The following PDE4D variants were observed in gnomAD, a reference collection of about 807,000 sequenced individuals.
PDE4D encodes the protein 3',5'-cyclic-AMP phosphodiesterase 4D.
A neutral mutation model predicts 87.4 loss-of-function variants in PDE4D; 24 were observed. That is an observed-to-expected ratio of 0.27 (90% CI 0.20 to 0.39). PDE4D has a LOEUF of 0.39. Ranked by LOEUF, PDE4D falls within the 10% of genes least tolerant of loss-of-function variation. The pLI is 1.00. For missense variants in PDE4D, 714 were observed against 1,041.0 expected (o/e 0.69, Z 4.32); for synonymous variants, 384 against 383.2 (o/e 1.00, Z -0.02).
intron 2 of PDE4D, among the ~76,000 whole-genome samples, chr5:60,042,899 T>A (rs774585933): frequency 1.6e-4 from 24 of 152,008 alleles, no homozygotes; most frequent in Admixed American, 1.1e-3. Flanking sequence ...CTCCAAAGGA[T>A]CACAACTCCT....
At chr5:59,009,998 T>C (rs1324518678) in intron 6 of PDE4D, among the ~76,000 whole-genome samples, 2 of 152,182 alleles carry the variant, frequency 1.3e-5, no homozygotes, top group Non-Finnish European at 2.9e-5. Context: ...TTAGCTTTAA[T>C]GATACAACAT....
At chr5:60,344,576 C>T (rs894098672) in intron 1 of PDE4D, among the ~76,000 whole-genome samples, 1 of 152,084 alleles carries the variant, frequency 6.6e-6, no homozygotes, top group African/African-American at 2.4e-5. Flanking sequence ...GCATTTTATC[C>T]TATAACCTAT....
intron 6 of PDE4D, among the ~76,000 whole-genome samples, chr5:58,996,427 T>G (rs998323868): frequency 6.6e-6 from 1 of 152,216 alleles, no homozygotes; most frequent in Non-Finnish European, 1.5e-5. Context: ...ATTGTTCATG[T>G]TATGAGCTAA....
At chr5:59,491,987 C>T (rs1806292198) in intron 1 of PDE4D, among the ~76,000 whole-genome samples, 2 of 152,152 alleles carry the variant, frequency 1.3e-5, no homozygotes, top group Non-Finnish European at 2.9e-5. Flanking sequence ...TGGGAGTCTT[C>T]TCAGCTAAGT....
At chr5:60,189,192 A>T (rs1409746442) in intron 1 of PDE4D, among the ~76,000 whole-genome samples, 2 of 152,242 alleles carry the variant, frequency 1.3e-5, no homozygotes, top group African/African-American at 2.4e-5. Context: ...ACACTTTAGA[A>T]ATAAAAATGA....
rs141084773 is a variant in PDE4D, at chr5:60,195,768, A to T, written c.-89-10081T>A. ...AATAGCTGGTGTGGGACCCCCGAGG[A>T]GGCAGTAAATGATTCATACACCTAA... is the stretch of plus-strand genomic sequence containing the variant. On this transcript the variant is annotated intron_variant, in intron 1 of 16. Transcript: ENST00000502484. 2.0e-3 allele frequency among the ~76,000 whole-genome samples: 300 copies of T among 151,856 alleles called. 5 individuals are homozygous for T. Among genetic ancestry groups the T allele is most frequent in the African/African-American group, 6.8e-3 (282 of 41,526 alleles).
At chr5:60,486,695 A>C (rs1378448780) in intron 1 of PDE4D, among the ~76,000 whole-genome samples, 1 of 152,224 alleles carries the variant, frequency 6.6e-6, no homozygotes, top group Non-Finnish European at 1.5e-5. Flanking sequence ...TTTTATAGGA[A>C]TTGGCAAGTA....
intron 1 of PDE4D, among the ~76,000 whole-genome samples, chr5:59,713,297 T>C (rs1427833094): frequency 6.6e-6 from 1 of 152,216 alleles, no homozygotes; most frequent in African/African-American, 2.4e-5. Context: ...AGGTCCAGCA[T>C]GACTCAGCAA....
chr5:59,691,194 T>C (rs950690411), intron 1 of PDE4D, among the ~76,000 whole-genome samples: 25 of 152,126 alleles, frequency 1.6e-4, no homozygotes, highest in Admixed American at 1.4e-3. Context: ...CTAGAAATAC[T>C]ATTTGACCCA....
At chr5:60,320,220 T>G (rs1333857858) in intron 1 of PDE4D, among the ~76,000 whole-genome samples, 1 of 152,224 alleles carries the variant, frequency 6.6e-6, no homozygotes, top group African/African-American at 2.4e-5. Flanking sequence ...GCCTTGCAGT[T>G]TGAACTCAGA....
intron 2 of PDE4D, among the ~76,000 whole-genome samples, chr5:60,179,353 T>C (rs1784188504): frequency 6.6e-6 from 1 of 152,264 alleles, no homozygotes; most frequent in Middle Eastern, 3.4e-3. Flanking sequence ...AAAGTTGTTA[T>C]CTGCTTATTG....
chr5:60,107,088 C>T (rs1391087180), intron 2 of PDE4D, among the ~76,000 whole-genome samples: 2 of 151,648 alleles, frequency 1.3e-5, no homozygotes, highest in African/African-American at 4.8e-5. Context: ...TTGAAAAGAT[C>T]AACAAAATTG....
intron 5 of PDE4D, among the ~76,000 whole-genome samples, chr5:59,162,658 G>A (rs1277957166): frequency 2.0e-5 from 3 of 149,894 alleles, no homozygotes; most frequent in Admixed American, 6.7e-5. Context: ...GGGCAACATC[G>A]TGAGATCCTG....
intron 1 of PDE4D, among the ~76,000 whole-genome samples, chr5:60,206,310 C>T (rs914738607): frequency 6.6e-6 from 1 of 152,156 alleles, no homozygotes; most frequent in Non-Finnish European, 1.5e-5. Flanking sequence ...CTCAAGGAAA[C>T]AGCACAGGGC....
chr5:59,825,657 T>C (rs1399950513), intron 1 of PDE4D, among the ~76,000 whole-genome samples: 7 of 152,184 alleles, frequency 4.6e-5, no homozygotes, highest in Admixed American at 6.5e-5. Context: ...TCCGTTGCCC[T>C]GTATCCATCC....
chr5:59,620,943 C>G (rs556844313), intron 1 of PDE4D, among the ~76,000 whole-genome samples: 51 of 152,056 alleles, frequency 3.4e-4, no homozygotes, highest in African/African-American at 1.2e-3. Flanking sequence ...ATAAATGGAA[C>G]AAGGATTGTA....
At chr5:59,318,011 T>C (rs946181004) in intron 1 of PDE4D, among the ~76,000 whole-genome samples, 3 of 152,198 alleles carry the variant, frequency 2.0e-5, no homozygotes, top group African/African-American at 4.8e-5. Context: ...TCCGTGATCT[T>C]ACTTCCTCCT....
At chr5:59,572,545 A>G (rs185780338) in intron 1 of PDE4D, among the ~76,000 whole-genome samples, 3 of 152,224 alleles carry the variant, frequency 2.0e-5, no homozygotes, top group African/African-American at 7.2e-5. Flanking sequence ...CAGTGGCGCT[A>G]TCTGGGCTCA....
intron 1 of PDE4D, among the ~76,000 whole-genome samples, chr5:60,283,623 C>T (rs531483818): frequency 6.6e-6 from 1 of 152,278 alleles, no homozygotes; most frequent in South Asian, 2.1e-4. Context: ...GTTACATATG[C>T]ATCATGAACT....
Sources: allele counts gnomAD v4.1 joint callset (sites outside exome capture counted in the v4.1 genomes callset), GRCh38; gene constraint gnomAD v4.1.1; transcripts MANE v1.5; gene names NCBI Gene and HGNC (gene_info 2026-07-23, HGNC 2026-07-21).